Variants in ARB2A observed in about 807,000 individuals in gnomAD.
The protein encoded by ARB2A is ARB2 cotranscriptional regulator A.
the ARB2A span, chr5:93,740,626 A>C: frequency 6.2e-7 from 1 of 1,607,416 alleles, no homozygotes; most frequent in South Asian, 1.1e-5. Context: ...GGAGTGGGCT[A>C]CCCCTGCAGA....
chr5:94,032,019 A>T, the ARB2A span, among the ~76,000 whole-genome samples: 1 of 152,114 alleles, frequency 6.6e-6, no homozygotes, highest in Non-Finnish European at 1.5e-5. Context: ...TTCTTCCTAG[A>T]TATTAAAGGA....
the ARB2A span, among the ~76,000 whole-genome samples, chr5:93,838,294 A>C: frequency 1.3e-5 from 2 of 152,182 alleles, no homozygotes; most frequent in Admixed American, 6.6e-5. Context: ...GCTTTGTAGA[A>C]GATCAGACAG....
At chr5:93,779,673 G>A in the ARB2A span, among the ~76,000 whole-genome samples, 2 of 152,160 alleles carry the variant, frequency 1.3e-5, no homozygotes, top group Non-Finnish European at 2.9e-5. Context: ...TGGCCAGGGC[G>A]GGCAGATAGG....
chr5:93,984,302 T>G, the ARB2A span, among the ~76,000 whole-genome samples: 2 of 152,176 alleles, frequency 1.3e-5, no homozygotes, highest in Non-Finnish European at 2.9e-5. Context: ...TTTCTCAAAC[T>G]GTTCATATTT....
At chr5:93,983,834 A>G in the ARB2A span, among the ~76,000 whole-genome samples, 1 of 152,202 alleles carries the variant, frequency 6.6e-6, no homozygotes, top group Non-Finnish European at 1.5e-5. Context: ...GAATCATGAG[A>G]AAACACATAT....
chr5:94,048,109 C>T, the ARB2A span, among the ~76,000 whole-genome samples: 11 of 121,254 alleles, frequency 9.1e-5, no homozygotes, highest in African/African-American at 3.5e-4. Context: ...GGTTGGAGTG[C>T]AGTGGCACGA....
chr5:93,791,829 G>A, the ARB2A span, among the ~76,000 whole-genome samples: 2 of 152,106 alleles, frequency 1.3e-5, no homozygotes, highest in Non-Finnish European at 2.9e-5. Context: ...GCGGCCAGAA[G>A]AGAGCAGTAA....
the ARB2A span, among the ~76,000 whole-genome samples, chr5:93,902,049 G>A: frequency 6.6e-6 from 1 of 152,128 alleles, no homozygotes; most frequent in Admixed American, 6.6e-5. Flanking sequence ...ATGGCAATCT[G>A]CAGAACTTCA....
chr5:93,769,408 C>T, the ARB2A span, among the ~76,000 whole-genome samples: 3 of 152,084 alleles, frequency 2.0e-5, no homozygotes, highest in African/African-American at 7.3e-5. Context: ...AGAGAAATTC[C>T]GGCGTTTCAA....
At chr5:93,998,325 C>T in the ARB2A span, among the ~76,000 whole-genome samples, 1 of 151,676 alleles carries the variant, frequency 6.6e-6, no homozygotes. Context: ...TATCTCTATT[C>T]GTAATAGAAT....
At chr5:93,734,827 T>C in the ARB2A span, 2 of 152,116 alleles carry the variant, frequency 1.3e-5, no homozygotes, top group African/African-American at 4.8e-5. Context: ...CTTTTTTTTT[T>C]TGAGACAGAG....
At chr5:93,686,742 T>C in the ARB2A span, among the ~76,000 whole-genome samples, 14 of 152,202 alleles carry the variant, frequency 9.2e-5, no homozygotes, top group Non-Finnish European at 1.8e-4. Flanking sequence ...GCTAACAGAT[T>C]GTTGCTCCTA....
the ARB2A span, among the ~76,000 whole-genome samples, chr5:93,855,897 A>C: frequency 6.6e-6 from 1 of 151,958 alleles, no homozygotes; most frequent in Non-Finnish European, 1.5e-5. Flanking sequence ...AAACTCTAAA[A>C]AGCAGAGCAC....
chr5:93,933,707 C>T, the ARB2A span, among the ~76,000 whole-genome samples: 3 of 151,950 alleles, frequency 2.0e-5, no homozygotes, highest in African/African-American at 4.8e-5. Flanking sequence ...ATGCAGATGA[C>T]AGGTTGATGG....
chr5:93,661,918 A>C, the ARB2A span, among the ~76,000 whole-genome samples: 1 of 152,160 alleles, frequency 6.6e-6, no homozygotes, highest in Non-Finnish European at 1.5e-5. Flanking sequence ...AGTGGGCAGA[A>C]AGAGTAAGGG....
the ARB2A span, chr5:93,735,895 C>T: frequency 1.3e-5 from 2 of 152,082 alleles, no homozygotes; most frequent in Admixed American, 6.5e-5. Flanking sequence ...TCAGATTCTT[C>T]TGCTTGATGA....
the ARB2A span, among the ~76,000 whole-genome samples, chr5:93,859,564 CAA>C: frequency 2.6e-5 from 4 of 151,814 alleles, no homozygotes; most frequent in African/African-American, 7.3e-5. Context: ...AAAGACAAGC[CAA>C]AGAGTGGAAG....
At chr5:94,019,064 T>G in the ARB2A span, among the ~76,000 whole-genome samples, 1 of 152,100 alleles carries the variant, frequency 6.6e-6, no homozygotes, top group East Asian at 1.9e-4. Context: ...AATGGGGAAA[T>G]GATTCCATAT....
chr5:93,920,630 ATATAT>A, the ARB2A span, among the ~76,000 whole-genome samples: 1 of 152,312 alleles, frequency 6.6e-6, no homozygotes, highest in Non-Finnish European at 1.5e-5. Flanking sequence ...ATATTCACAA[ATATAT>A]TATAGAAAAT....
Sources: gnomAD v4.1 joint callset for allele counts (sites outside exome capture counted in the v4.1 genomes callset) on GRCh38, gnomAD v4.1.1 for gene constraint, MANE v1.5 for transcripts, NCBI Gene and HGNC (gene_info 2026-07-23, HGNC 2026-07-21) for gene names.